Variants in RYR2 observed in about 807,000 individuals in gnomAD.
The protein encoded by RYR2 is cardiac muscle ryanodine receptor-calcium release channel.
In RYR2, 227 loss-of-function variants were observed where a neutral mutation model predicts 601.1. That is an observed-to-expected ratio of 0.38 (90% CI 0.34 to 0.42). The LOEUF is 0.42. Among genes scored for constraint, RYR2 ranks in the 10% least tolerant of loss-of-function variants. The pLI, the probability that RYR2 is intolerant of heterozygous loss-of-function variation, is 1.00. For missense variants in RYR2, 4,646 were observed against 6,156.5 expected, an observed-to-expected ratio of 0.75 and a Z score of 8.21; for synonymous variants, 2,223 against 2,175.1, an observed-to-expected ratio of 1.02 and a Z score of -0.61.
At chr1:237,591,628 C>A in intron 31 of RYR2, 111 bp from the exon 32 acceptor site, 1 of 822,554 alleles carries the variant, frequency 1.2e-6, no homozygotes, top group Non-Finnish European at 2.0e-6. Flanking sequence ...AGATGTCCCC[C>A]AGGGAGCAAA....
In RYR2 at chr1:237,302,639, C is replaced by A. The variant is rs16835128; in HGVS notation, c.169-28239C>A. Among the ~76,000 whole-genome samples, 1,180 of 152,258 alleles carry A rather than the reference C, an allele frequency of 7.7e-3. 15 individuals are homozygous for A. Among genetic ancestry groups the A allele is most frequent in the African/African-American group, 0.027 (1,107 of 41,544 alleles). ...TGGCTCTTACAGGCTTAGGAAATAA[C>A]AGGAACATTGTTAGGCTAAGAGAAT... On this transcript the variant is annotated intron_variant, in intron 2 of 104. Transcript: ENST00000366574.
chr1:237,440,839 C>T (rs1371617292), intron 12 of RYR2, among the ~76,000 whole-genome samples: 9 of 150,938 alleles, frequency 6.0e-5, no homozygotes, highest in African/African-American at 1.5e-4. Context: ...TTTTTTGATC[C>T]TATGGAGAGG....
At chr1:237,557,739 GAA>G (rs1671052851) in intron 27 of RYR2, among the ~76,000 whole-genome samples, 1 of 152,096 alleles carries the variant, frequency 6.6e-6, no homozygotes, top group Admixed American at 6.5e-5. Flanking sequence ...TTGGCATTTA[GAA>G]GTAGAATCAG....
chr1:237,655,738 G>T (rs980829982), intron 52 of RYR2, 83 bp from the exon 53 acceptor site: 1 of 1,324,586 alleles, frequency 7.5e-7, no homozygotes, highest in South Asian at 1.4e-5. Flanking sequence ...ATTTTCTTCT[G>T]CAACCTTCTG....
chr1:237,422,902 T>C (rs900376634), intron 11 of RYR2, among the ~76,000 whole-genome samples, 190 bp from the exon 12 acceptor site: 4 of 152,246 alleles, frequency 2.6e-5, no homozygotes, highest in African/African-American at 9.6e-5. Flanking sequence ...TTTGCGACTT[T>C]GTGTATTACT....
intron 2 of RYR2, among the ~76,000 whole-genome samples, chr1:237,330,303 C>T (rs1050638180): frequency 3.9e-5 from 6 of 152,224 alleles, no homozygotes; most frequent in East Asian, 3.8e-4. Flanking sequence ...CAGGGCAATG[C>T]GTATCAGAGT....
intron 1 of RYR2, among the ~76,000 whole-genome samples, chr1:237,065,564 C>A (rs769157407): frequency 6.6e-6 from 1 of 152,048 alleles, no homozygotes; most frequent in East Asian, 1.9e-4. Flanking sequence ...GGATTACAGG[C>A]GTGAGCCACC....
chr1:237,466,447 A>T (rs1235064271), intron 16 of RYR2, among the ~76,000 whole-genome samples: 3 of 152,152 alleles, frequency 2.0e-5, no homozygotes, highest in Non-Finnish European at 4.4e-5. Flanking sequence ...GATTATAGGT[A>T]TGAGCCACTA....
intron 2 of RYR2, among the ~76,000 whole-genome samples, chr1:237,276,323 C>T (rs537157432): frequency 2.1e-3 from 322 of 152,228 alleles, no homozygotes; most frequent in Non-Finnish European, 3.6e-3. Flanking sequence ...TGGTCTAGAA[C>T]GCCTGACCTC....
chr1:237,045,133 C>G (rs531361309), intron 1 of RYR2, among the ~76,000 whole-genome samples: 9 of 152,004 alleles, frequency 5.9e-5, no homozygotes, highest in Non-Finnish European at 1.3e-4. Context: ...TTTCATATGT[C>G]CTGATTAGAA....
chr1:237,713,506 C>T (rs1010510175), intron 71 of RYR2, among the ~76,000 whole-genome samples: 49 of 152,212 alleles, frequency 3.2e-4, no homozygotes, highest in African/African-American at 1.1e-3. Context: ...AAGCGATTCT[C>T]CTGCCTCAGC....
chr1:237,243,897 C>T (rs1686482607), intron 1 of RYR2, among the ~76,000 whole-genome samples: 1 of 152,192 alleles, frequency 6.6e-6, no homozygotes, highest in African/African-American at 2.4e-5. Flanking sequence ...AGGTCACCAG[C>T]CGCTCCAGTC....
At chr1:237,764,510 G>A (rs2819761) in intron 84 of RYR2, among the ~76,000 whole-genome samples, 10,133 of 147,822 alleles carry the variant, frequency 0.069, 520 homozygotes, top group African/African-American at 0.15. Context: ...GTGCAGTGGT[G>A]CAGTCTCATC....
intron 10 of RYR2, among the ~76,000 whole-genome samples, chr1:237,389,191 G>C (rs1479526398): frequency 6.6e-6 from 1 of 152,128 alleles, no homozygotes; most frequent in African/African-American, 2.4e-5. Context: ...TTGTATAAAA[G>C]ATAATGGAGA....
chr1:237,775,910 C>T (rs1418366662), intron 87 of RYR2, among the ~76,000 whole-genome samples: 1 of 152,162 alleles, frequency 6.6e-6, no homozygotes, highest in Admixed American at 6.5e-5. Flanking sequence ...AAAGGACATT[C>T]TGTGTGTTTC....
intron 71 of RYR2, among the ~76,000 whole-genome samples, chr1:237,715,452 G>A (rs183160716): frequency 5.1e-4 from 78 of 152,282 alleles, no homozygotes; most frequent in Admixed American, 1.1e-3. Context: ...TTCTGGGGTG[G>A]AAAGCAAAAT....
chr1:237,197,828 T>C (rs1056685941), intron 1 of RYR2, among the ~76,000 whole-genome samples: 6 of 152,214 alleles, frequency 3.9e-5, no homozygotes, highest in African/African-American at 1.2e-4. Context: ...TAGCTGGAGT[T>C]TGTGGGCAGA....
chr1:237,767,562 T>G (rs1191085272), intron 84 of RYR2, among the ~76,000 whole-genome samples: 1 of 152,220 alleles, frequency 6.6e-6, no homozygotes, highest in Non-Finnish European at 1.5e-5. Context: ...TACATTTAGC[T>G]AAGTTACAGG....
At position 237,582,841 on chromosome 1, in the gene RYR2, G is replaced by A. The variant is rs377651772; in HGVS notation, c.3599-6952G>A. 2.1e-4 allele frequency among the ~76,000 whole-genome samples: 32 copies of A among 151,968 alleles called. No homozygotes were observed. In the East Asian group the frequency reaches 3.7e-3, roughly 17 times the overall value. The stretch of plus-strand genomic sequence containing the variant: ...TGATGGGCACTGAGGTTGATTCCAT[G>A]TTTTTACTATTCTGAATCGTGCTGG... On this transcript the variant is annotated intron_variant, in intron 29 of 104. Coordinates refer to ENST00000366574, the MANE Select transcript of RYR2 (RefSeq NM_001035.3).
Sources: gnomAD v4.1 joint callset for allele counts (sites outside exome capture counted in the v4.1 genomes callset) on GRCh38, gnomAD v4.1.1 for gene constraint, MANE v1.5 for transcripts, NCBI Gene and HGNC (gene_info 2026-07-23, HGNC 2026-07-21) for gene names.